Variants in DAGLA observed in about 807,000 individuals in gnomAD.
The protein encoded by DAGLA is diacylglycerol lipase-alpha.
A neutral mutation model predicts 102.6 loss-of-function variants in DAGLA; 22 were observed. The ratio of observed to expected loss-of-function variants is 0.21; its 90% CI spans 0.15 to 0.31. The LOEUF is 0.31. Ranked by LOEUF, DAGLA falls within the 10% of genes least tolerant of loss-of-function variation. The probability of loss-of-function intolerance (pLI) is 1.00; values close to 1 mark genes in which losing one functional copy is unlikely to be tolerated. For synonymous variants in DAGLA, 578 were observed against 628.9 expected (o/e 0.92, Z 1.21); for missense variants, 927 against 1,446.6 (o/e 0.64, Z 5.83).
chr11:61,731,402 A>G lies in DAGLA; in HGVS notation c.935A>G (p.Lys312Arg), dbSNP rs2100026321. 2 of 1,614,012 alleles carry G rather than the reference A, an allele frequency of 1.2e-6. No individual in the cohort carries two copies. Among genetic ancestry groups the G allele is most frequent in the Non-Finnish European group, 1.7e-6 (2 of 1,180,014 alleles). The change falls in exon 9 of 20, where the codon AAG (lysine) becomes AGG (arginine). Residue 312 changes from lysine (K) to arginine (R), a missense_variant. Physicochemically the swap from Lys to Arg is conservative, Grantham distance 26 (BLOSUM62 2). This residue lies in a region of DAGLA where 44 missense variants were observed against 44.0 expected (regional missense o/e 1.00). Transcript: ENST00000257215. ...GGGTGGCCCATGTACCTGATGCGGA[A>G]GCCCGCCTGCGGCCTCTGCCAACTG... ...AYGWPMYLMR[K>R]PACGLCQLAR...
At chr11:61,702,334 G>A (rs1320336139) in intron 1 of DAGLA, among the ~76,000 whole-genome samples, 1 of 152,180 alleles carries the variant, frequency 6.6e-6, no homozygotes, top group Non-Finnish European at 1.5e-5. Flanking sequence ...GGGCCATGGT[G>A]TGCAAATTCC....
Position 61,720,333 on chromosome 11 carries a change from T to G in DAGLA, c.95+83T>G, listed in dbSNP as rs939879908. 4 of 1,406,788 alleles carry G rather than the reference T, an allele frequency of 2.8e-6. No individual in the cohort carries two copies. In the African/African-American group the frequency reaches 5.6e-5, roughly 20 times the overall value. The allele number at this position is 1,406,788 out of a possible 1,614,324, so 87.1% of individuals were successfully genotyped here. ...CGCTTTCTGGCCATTTGTTCCTCCC[T>G]GCTTGGGCCCAAGTCCCAACCCTGT... is the stretch of plus-strand genomic sequence containing the variant. On this transcript the variant is annotated intron_variant, in intron 2 of 19. Coordinates refer to ENST00000257215, the MANE Select transcript of DAGLA (RefSeq NM_006133.3).
intron 1 of DAGLA, among the ~76,000 whole-genome samples, chr11:61,681,593 G>C (rs2064942831): frequency 6.6e-6 from 1 of 152,096 alleles, no homozygotes; most frequent in Non-Finnish European, 1.5e-5. Context: ...AGGGTATCTG[G>C]GAGTTGCCTC....
chr11:61,724,691 A>G (rs1307663793), intron 5 of DAGLA, among the ~76,000 whole-genome samples: 3 of 152,186 alleles, frequency 2.0e-5, no homozygotes, highest in Middle Eastern at 3.4e-3. Flanking sequence ...CCAGCCCAAA[A>G]TGTCAGGTCT....
chr11:61,705,709 C>T (rs2065143662), intron 1 of DAGLA, among the ~76,000 whole-genome samples: 1 of 152,236 alleles, frequency 6.6e-6, no homozygotes, highest in South Asian at 2.1e-4. Context: ...CACCCAATCC[C>T]TGGCACATAG....
intron 1 of DAGLA, among the ~76,000 whole-genome samples, chr11:61,707,391 G>A (rs551796291): frequency 6.6e-6 from 1 of 152,388 alleles, no homozygotes; most frequent in South Asian, 2.1e-4. Flanking sequence ...GGCAGAGGCT[G>A]GCACTTGTCA....
At chr11:61,700,573 C>G (rs1481124625) in intron 1 of DAGLA, among the ~76,000 whole-genome samples, 1 of 152,200 alleles carries the variant, frequency 6.6e-6, no homozygotes, top group Non-Finnish European at 1.5e-5. Context: ...GTCCTCAGGC[C>G]AAGGGGAACA....
At chr11:61,726,450 C>T (rs533428260) in intron 6 of DAGLA, among the ~76,000 whole-genome samples, 2 of 152,372 alleles carry the variant, frequency 1.3e-5, no homozygotes, top group African/African-American at 4.8e-5. Flanking sequence ...AGCCGATAGG[C>T]GTTTAGCACG....
intron 1 of DAGLA, among the ~76,000 whole-genome samples, chr11:61,682,936 G>C (rs2064956936): frequency 6.6e-6 from 1 of 152,108 alleles, no homozygotes; most frequent in African/African-American, 2.4e-5. Context: ...AGACAGGTGT[G>C]GCACCTCTCC....
At chr11:61,682,552 A>C (rs962273695) in intron 1 of DAGLA, among the ~76,000 whole-genome samples, 2 of 152,214 alleles carry the variant, frequency 1.3e-5, no homozygotes, top group African/African-American at 4.8e-5. Context: ...GAGTGGCCCA[A>C]GCAGGAGGAA....
At chr11:61,739,407 GC>G in intron 16 of DAGLA, 57 bp from the exon 17 acceptor site, 2 of 1,405,656 alleles carry the variant, frequency 1.4e-6, no homozygotes, top group East Asian at 2.4e-5. Context: ...CCCTGCCCCT[GC>G]CCCCCAGCCA....
In DAGLA at chr11:61,741,183, G is replaced by T; in HGVS notation, c.2005G>T (p.Gly669Trp). ...TCAGGTGCTGGAGAACTACAACAAG[G>T]GGAAGACCGCTCTGCTCTCTGCAGC... ...LNKVLENYNK[G>W]KTALLSAAKV... Residue 669 changes from glycine to tryptophan, a missense_variant, in exon 19 of 20, where the codon GGG becomes TGG. Around this residue, in one of 4 missense-constraint regions of DAGLA, gnomAD observed 218 missense variants for 459.6 expected, o/e 0.47. Transcript: ENST00000257215. 6.2e-7 allele frequency: 1 copy of T among 1,613,210 alleles called. No individual in the cohort carries two copies.
At chr11:61,712,439 C>T (rs779143622) in intron 1 of DAGLA, among the ~76,000 whole-genome samples, 14 of 152,216 alleles carry the variant, frequency 9.2e-5, no homozygotes, top group Non-Finnish European at 1.5e-4. Context: ...CCCTGGGCGG[C>T]GGGTAGGAGG....
At chr11:61,683,448 C>T (rs1421882957) in intron 1 of DAGLA, among the ~76,000 whole-genome samples, 2 of 152,228 alleles carry the variant, frequency 1.3e-5, no homozygotes, top group Admixed American at 6.5e-5. Flanking sequence ...CTGGGCACTT[C>T]AGCTCATGTC....
At chr11:61,722,017 C>T (rs1011416936) in intron 3 of DAGLA, among the ~76,000 whole-genome samples, 12 of 152,388 alleles carry the variant, frequency 7.9e-5, no homozygotes, top group African/African-American at 2.9e-4. Context: ...CACTCCATAC[C>T]CCTCCCCTCC....
At chr11:61,711,259 G>T (rs1273514773) in intron 1 of DAGLA, among the ~76,000 whole-genome samples, 1 of 152,216 alleles carries the variant, frequency 6.6e-6, no homozygotes, top group Admixed American at 6.5e-5. Context: ...TGGAGATCCA[G>T]GCTGCCCGGC....
chr11:61,689,834 T>C (rs1408270180), intron 1 of DAGLA, among the ~76,000 whole-genome samples: 1 of 152,126 alleles, frequency 6.6e-6, no homozygotes, highest in African/African-American at 2.4e-5. Context: ...CCACTGCCTT[T>C]TCTTTGTCTA....
At chr11:61,720,357 G>C (rs1565256498) in intron 2 of DAGLA, 107 bp downstream of exon 2, 3 of 1,127,886 alleles carry the variant, frequency 2.7e-6, no homozygotes, top group East Asian at 4.9e-5. Context: ...TCCCAACCCT[G>C]TCATGCCCCC....
At chr11:61,733,839 C>G (rs528202475) in intron 9 of DAGLA, among the ~76,000 whole-genome samples, 1 of 152,260 alleles carries the variant, frequency 6.6e-6, no homozygotes, top group South Asian at 2.1e-4. Flanking sequence ...AGCCAGGTGC[C>G]TGGGATGGGG....
Sources: gnomAD v4.1 joint callset for allele counts (sites outside exome capture counted in the v4.1 genomes callset) on GRCh38, gnomAD v4.1.1 for gene constraint, gnomAD v4.1.1 regional missense constraint, MANE v1.5 for transcripts, NCBI Gene and HGNC (gene_info 2026-07-23, HGNC 2026-07-21) for gene names.